NPHP4: variants seen among roughly 807,000 people sequenced by gnomAD.
NPHP4 encodes the protein nephrocystin 4, also known as nephrocystin-4.
A neutral mutation model predicts 155.8 loss-of-function variants in NPHP4; 151 were observed. The observed-to-expected ratio is 0.97, with a 90% CI of 0.85 to 1.11. The LOEUF is 1.11. Among genes scored for constraint, NPHP4 ranks in the 50% least tolerant of loss-of-function variants. The pLI, the probability that NPHP4 is intolerant of heterozygous loss-of-function variation, is 0.00. For missense variants in NPHP4, 1,956 were observed against 1,925.7 expected, an observed-to-expected ratio of 1.02 and a Z score of -0.29; for synonymous variants, 845 against 816.8, an observed-to-expected ratio of 1.03 and a Z score of -0.59.
intron 16 of NPHP4, among the ~76,000 whole-genome samples, chr1:5,902,729 C>G (rs898281171): frequency 1.3e-5 from 2 of 152,172 alleles, no homozygotes; most frequent in Admixed American, 1.3e-4. Flanking sequence ...ACTGTAAATT[C>G]CCCTGTAATT....
chr1:5,916,859 G>A (rs1285173292), intron 11 of NPHP4, among the ~76,000 whole-genome samples: 1 of 152,196 alleles, frequency 6.6e-6, no homozygotes, highest in Non-Finnish European at 1.5e-5. Flanking sequence ...AGCACAGCAG[G>A]CTTCTAGAAG....
intron 6 of NPHP4, among the ~76,000 whole-genome samples, chr1:5,959,102 C>T (rs1349433388): frequency 6.6e-6 from 1 of 151,996 alleles, no homozygotes; most frequent in East Asian, 1.9e-4. Flanking sequence ...AAGGCGCATA[C>T]GACCCTTACC....
intron 16 of NPHP4, among the ~76,000 whole-genome samples, chr1:5,899,852 C>T (rs367961830): frequency 2.0e-5 from 3 of 152,150 alleles, no homozygotes; most frequent in South Asian, 2.1e-4. Flanking sequence ...TTGCAAAATA[C>T]GTATCTGATA....
Position 5,942,794 on chromosome 1 carries a change from A to G in NPHP4, c.1119+4310T>C, listed in dbSNP as rs1438559645. On this transcript the variant is annotated intron_variant, in intron 9 of 29. Coordinates refer to ENST00000378156, the MANE Select transcript of NPHP4 (RefSeq NM_015102.5). ...TGAGTTAATACATAAACAATAAATC[A>G]GGCAAATCTTCACCCCTTAGAGATT... Among the ~76,000 whole-genome samples, 3 of 152,170 alleles carry G rather than the reference A, an allele frequency of 2.0e-5. No homozygotes were observed. In the East Asian group the frequency reaches 5.8e-4, roughly 29 times the overall value.
chr1:5,924,287 A>G (rs1024155456), intron 11 of NPHP4, among the ~76,000 whole-genome samples: 2 of 152,148 alleles, frequency 1.3e-5, no homozygotes, highest in African/African-American at 4.8e-5. Flanking sequence ...GGGCCTCTGA[A>G]TGAGAGGATG....
intron 17 of NPHP4, among the ~76,000 whole-genome samples, 166 bp from the exon 18 acceptor site, chr1:5,887,632 G>C (rs543064423): frequency 6.6e-6 from 1 of 152,182 alleles, no homozygotes; most frequent in Non-Finnish European, 1.5e-5. Flanking sequence ...AGGGGGCGGC[G>C]AGCCAGGCGC....
chr1:5,863,621 C>A, intron 29 of NPHP4: 1 of 629,032 alleles, frequency 1.6e-6, no homozygotes, highest in Non-Finnish European at 2.8e-6. Flanking sequence ...CTCGAAGGCA[C>A]ACTTATTTCC....
intron 16 of NPHP4, among the ~76,000 whole-genome samples, chr1:5,900,891 T>C (rs1644643880): frequency 2.0e-5 from 3 of 151,948 alleles, no homozygotes; most frequent in Non-Finnish European, 4.4e-5. Flanking sequence ...AAAATATTAG[T>C]TGGGCATGGT....
At position 5,890,022 on chromosome 1, in the gene NPHP4, A is replaced by C. The variant is rs1318958224; in HGVS notation, c.2304+846T>G. 1.0e-4 allele frequency among the ~76,000 whole-genome samples: 15 copies of C among 143,900 alleles called. No homozygotes were observed. The highest frequency in any genetic ancestry group is 2.6e-4 in the African/African-American group (10 of 38,322). The allele number at this position is 143,900 out of a possible 152,430, so 94.4% of individuals were successfully genotyped here. A position where few individuals can be genotyped will look rare whatever the true frequency, so the allele number is the denominator to read the frequency against. On this transcript the variant is annotated intron_variant, in intron 17 of 29. Transcript: ENST00000378156. This position sits in a 1 kb window ranked among gnomAD's most constrained non-coding sequence, Gnocchi z 4.9. ...AAAAACTCCCATACCCCATCCCCCC[A>C]CCCCGAGAGCACAGCGCAGCTGAAG... is the stretch of plus-strand genomic sequence containing the variant.
intron 2 of NPHP4, among the ~76,000 whole-genome samples, chr1:5,979,531 T>C (rs1358036101): frequency 2.6e-5 from 4 of 152,146 alleles, no homozygotes; most frequent in Non-Finnish European, 4.4e-5. Flanking sequence ...TTAGCTATAG[T>C]ACCTGTGTTT....
At chr1:5,975,466 C>T (rs992160377) in intron 3 of NPHP4, among the ~76,000 whole-genome samples, 2 of 152,190 alleles carry the variant, frequency 1.3e-5, no homozygotes, top group Admixed American at 1.3e-4. Flanking sequence ...ACCACACTGT[C>T]CTTGCTGCAT....
chr1:5,974,282 C>A (rs116417851), intron 3 of NPHP4, among the ~76,000 whole-genome samples: 1 of 152,134 alleles, frequency 6.6e-6, no homozygotes, highest in South Asian at 2.1e-4. Flanking sequence ...GGGGCTGGTG[C>A]GCTCTGGGAG....
chr1:5,927,117 C>T (rs1646045938), intron 11 of NPHP4, among the ~76,000 whole-genome samples: 1 of 152,262 alleles, frequency 6.6e-6, no homozygotes, highest in Admixed American at 6.5e-5. Context: ...AATAAGAACT[C>T]TTTAACCTCC....
At chr1:5,881,592 G>A (rs1455831954) in intron 18 of NPHP4, 1 of 152,250 alleles carries the variant, frequency 6.6e-6, no homozygotes, top group East Asian at 1.9e-4. Context: ...CGATGTGGTG[G>A]TAGAGAGAGG....
chr1:5,894,148 A>G (rs1352833776), intron 16 of NPHP4, among the ~76,000 whole-genome samples: 1 of 152,218 alleles, frequency 6.6e-6, no homozygotes. Flanking sequence ...TTGCCTCAGC[A>G]CCTGGTTGGC....
intron 19 of NPHP4, among the ~76,000 whole-genome samples, chr1:5,878,907 G>A (rs1246829576): frequency 2.0e-5 from 3 of 152,232 alleles, no homozygotes; most frequent in Admixed American, 6.5e-5. Flanking sequence ...CCAGGGCAGG[G>A]AATCCAGATT....
chr1:5,863,060 C>T lies in NPHP4; in HGVS notation c.*205G>A. ...TTCGCGCTCACGGAACCCAGGCCTG[C>T]TGGGTGTCAGCAGCAGCTAAGCTGG... On this transcript the variant is annotated 3_prime_UTR_variant, in exon 30 of 30. Transcript: ENST00000378156. The T allele has an allele frequency of 1.6e-6, 1 of 607,516 alleles. No homozygotes were observed. The highest frequency in any genetic ancestry group is 1.8e-5 in the African/African-American group (1 of 54,616). 37.6% of individuals were successfully genotyped at this position (607,516 alleles called of 1,614,324 possible). A position where few individuals can be genotyped will look rare whatever the true frequency, so the allele number is the denominator to read the frequency against.
At chr1:5,966,396 C>A (rs1269611517) in intron 5 of NPHP4, among the ~76,000 whole-genome samples, 1 of 152,066 alleles carries the variant, frequency 6.6e-6, no homozygotes, top group Non-Finnish European at 1.5e-5. Context: ...CAGGCACACA[C>A]CACTACACCT....
At chr1:5,869,071 C>CCACATGCATGCACCCACACATGCA (rs1469920386) in intron 23 of NPHP4, among the ~76,000 whole-genome samples, 3 of 126,254 alleles carry the variant, frequency 2.4e-5, no homozygotes, top group Non-Finnish European at 5.1e-5. Flanking sequence ...ACATGCATGC[C>CCACATGCATGCACCCACACATGCA]CACATGCATG....
Sources: allele counts gnomAD v4.1 joint callset (sites outside exome capture counted in the v4.1 genomes callset), GRCh38; gene constraint gnomAD v4.1.1; non-coding constraint Gnocchi (gnomAD v3.1); transcripts MANE v1.5; gene names NCBI Gene and HGNC (gene_info 2026-07-23, HGNC 2026-07-21).